The following CCBE1 variants were observed in gnomAD, a reference collection of about 807,000 sequenced individuals.
CCBE1 encodes collagen and calcium-binding EGF domain-containing protein 1.
A neutral mutation model predicts 50.0 loss-of-function variants in CCBE1; 37 were observed. That is an observed-to-expected ratio of 0.74 (90% CI 0.57 to 0.97). The LOEUF is 0.97. Ranked by LOEUF, CCBE1 falls within the 50% of genes least tolerant of loss-of-function variation. The pLI, the probability that CCBE1 is intolerant of heterozygous loss-of-function variation, is 0.00. For missense variants in CCBE1, 538 were observed against 523.8 expected (o/e 1.03, Z -0.26); for synonymous variants, 234 against 203.7 (o/e 1.15, Z -1.27).
At chr18:59,520,598 A>G (rs1326451098) in intron 2 of CCBE1, among the ~76,000 whole-genome samples, 1 of 152,280 alleles carries the variant, frequency 6.6e-6, no homozygotes, top group African/African-American at 2.4e-5. Flanking sequence ...TTGCAGTTTT[A>G]CATGCTCATG....
chr18:59,605,159 C>A (rs2053481140), intron 2 of CCBE1, among the ~76,000 whole-genome samples: 1 of 152,142 alleles, frequency 6.6e-6, no homozygotes, highest in Admixed American at 6.5e-5. Context: ...GCTGCTCCCC[C>A]TAGGAGGCAC....
At chr18:59,665,162 C>T (rs1253063944) in intron 2 of CCBE1, among the ~76,000 whole-genome samples, 2 of 130,636 alleles carry the variant, frequency 1.5e-5, no homozygotes, top group Non-Finnish European at 3.2e-5. Flanking sequence ...CCTGTGTTCC[C>T]TGTCAACCAG....
intron 2 of CCBE1, among the ~76,000 whole-genome samples, chr18:59,489,601 T>C (rs1483901262): frequency 6.6e-6 from 1 of 151,946 alleles, no homozygotes; most frequent in East Asian, 1.9e-4. Context: ...TTAGTAGAGA[T>C]GGGGTTTTGC....
At chr18:59,612,393 C>T (rs1744677040) in intron 2 of CCBE1, among the ~76,000 whole-genome samples, 1 of 151,086 alleles carries the variant, frequency 6.6e-6, no homozygotes, top group South Asian at 2.1e-4. Context: ...TAGAACAATG[C>T]TCAGAGGGCC....
rs1486530985 is a variant in CCBE1, at chr18:59,696,636, A to G, written c.205T>C (p.Cys69Arg). 4 of 1,613,992 alleles carry G rather than the reference A, an allele frequency of 2.5e-6. No individual in the cohort carries two copies. Among genetic ancestry groups the G allele is most frequent in the Non-Finnish European group, 3.4e-6 (4 of 1,179,928 alleles). The stretch of plus-strand genomic sequence containing the variant: ...CAGAGCCCCCAGGCTTACCTGTAGC[A>G]TGTGGTGAGCTCGCCTGAAGACTTC... ...CLKSSGELTT[C>R]YRKKCCKGYK... Residue 69 changes from cysteine (C) to arginine (R), a missense_variant, in exon 2 of 11, where the codon TGC (cysteine) becomes CGC (arginine). Transcript: ENST00000439986.
intron 2 of CCBE1, among the ~76,000 whole-genome samples, chr18:59,641,235 TA>T (rs34330879): frequency 5.3e-5 from 8 of 151,632 alleles, no homozygotes; most frequent in Non-Finnish European, 7.4e-5. Context: ...TTACAATGGA[TA>T]AAAAAAATGT....
At chr18:59,649,941 G>T (rs1056866716) in intron 2 of CCBE1, among the ~76,000 whole-genome samples, 2 of 152,120 alleles carry the variant, frequency 1.3e-5, no homozygotes, top group Admixed American at 6.5e-5. Context: ...TCTTCAAGGG[G>T]CACATGGGAA....
chr18:59,640,086 A>G (rs890325614), intron 2 of CCBE1, among the ~76,000 whole-genome samples: 1 of 152,222 alleles, frequency 6.6e-6, no homozygotes, highest in Admixed American at 6.5e-5. Context: ...AGTCAATGCT[A>G]TTCCTATGAA....
Position 59,439,545 on chromosome 18 carries a change from T to C in CCBE1, c.949A>G (p.Lys317Glu), listed in dbSNP as rs2143618046. 6.2e-7 allele frequency: 1 copy of C among 1,614,236 alleles called. No individual in the cohort carries two copies. Among genetic ancestry groups the C allele is most frequent in the South Asian group, 1.1e-5 (1 of 91,086 alleles). Residue 317 changes from lysine to glutamate, a missense_variant and splice_region_variant, in exon 9 of 11, where the codon AAG (lysine) becomes GAG (glutamate). Lys to Glu is a moderately conservative substitution (Grantham distance 56). Transcript: ENST00000439986. Reference sequence around the variant, plus strand: ...TGAGGACCACTCATAAGGCTTACCTTAGAACCATCTCTTCCTGGTGCCCCT... The same window carrying C: ...TGAGGACCACTCATAAGGCTTACCTCAGAACCATCTCTTCCTGGTGCCCCT... ...PPGAPGRDGS[K>E]GERGAPGPRG...
chr18:59,592,898 A>T (rs1325234959), intron 2 of CCBE1, among the ~76,000 whole-genome samples: 1 of 152,154 alleles, frequency 6.6e-6, no homozygotes, highest in Non-Finnish European at 1.5e-5. Context: ...ACAAATTGTA[A>T]GGGGGGTTTA....
intron 2 of CCBE1, among the ~76,000 whole-genome samples, chr18:59,680,578 G>T (rs1226683067): frequency 2.6e-5 from 4 of 151,590 alleles, no homozygotes; most frequent in Non-Finnish European, 2.9e-5. Context: ...GGCGCCTGTA[G>T]TCCCAGCTAC....
At chr18:59,519,928 G>A (rs182416566) in intron 2 of CCBE1, among the ~76,000 whole-genome samples, 1,686 of 152,260 alleles carry the variant, frequency 0.011, 17 homozygotes, top group Middle Eastern at 0.024. Flanking sequence ...ATTAAATAGG[G>A]AATCATTTCC....
At chr18:59,531,460 G>C (rs148327437) in intron 2 of CCBE1, among the ~76,000 whole-genome samples, 110 of 152,200 alleles carry the variant, frequency 7.2e-4, no homozygotes, top group African/African-American at 2.5e-3. Flanking sequence ...TTTGTCCCCA[G>C]GAACAAAAAT....
intron 2 of CCBE1, among the ~76,000 whole-genome samples, chr18:59,661,196 A>G (rs1195391858): frequency 6.6e-6 from 1 of 151,804 alleles, no homozygotes; most frequent in Non-Finnish European, 1.5e-5. Flanking sequence ...GAGACCAACA[A>G]CACAGTAAAT....
At chr18:59,504,253 G>T (rs772279545) in intron 2 of CCBE1, among the ~76,000 whole-genome samples, 7 of 152,060 alleles carry the variant, frequency 4.6e-5, no homozygotes, top group Non-Finnish European at 7.4e-5. Flanking sequence ...CAAGAAAATA[G>T]ATTTTTTAAA....
chr18:59,545,834 A>G (rs1915660021), intron 2 of CCBE1, among the ~76,000 whole-genome samples: 1 of 152,208 alleles, frequency 6.6e-6, no homozygotes, highest in Admixed American at 6.5e-5. Context: ...CTGCCATGTA[A>G]GAAGTGCCTT....
chr18:59,466,048 C>T (rs947539144), intron 5 of CCBE1, among the ~76,000 whole-genome samples: 9 of 152,024 alleles, frequency 5.9e-5, no homozygotes, highest in Non-Finnish European at 8.8e-5. Context: ...CCCCTTCCTG[C>T]CCACTTGCCT....
intron 7 of CCBE1, among the ~76,000 whole-genome samples, chr18:59,441,885 T>C (rs1052418072): frequency 2.0e-5 from 3 of 152,138 alleles, no homozygotes; most frequent in Admixed American, 2.0e-4. Context: ...ATAAGTGTAA[T>C]TGGAGTCCAA....
chr18:59,638,330 G>C (rs959447502), intron 2 of CCBE1, among the ~76,000 whole-genome samples: 1 of 152,202 alleles, frequency 6.6e-6, no homozygotes, highest in African/African-American at 2.4e-5. Context: ...TGTCTAAAGC[G>C]TTTCAAGATC....
Sources: gnomAD v4.1 joint callset for allele counts (sites outside exome capture counted in the v4.1 genomes callset) on GRCh38, gnomAD v4.1.1 for gene constraint, MANE v1.5 for transcripts, NCBI Gene and HGNC (gene_info 2026-07-23, HGNC 2026-07-21) for gene names.